CTH: variants seen among roughly 807,000 people sequenced by gnomAD.
The protein encoded by CTH is cystathionase (cystathionine gamma-lyase).
In CTH, 41 loss-of-function variants were observed where a neutral mutation model predicts 50.6. The ratio of observed to expected loss-of-function variants is 0.81; its 90% CI spans 0.63 to 1.05. The LOEUF is 1.05. Ranked by LOEUF, CTH falls within the 50% of genes least tolerant of loss-of-function variation. CTH has a pLI of 0.00. For synonymous variants in CTH, 156 were observed against 168.9 expected (o/e 0.92, Z 0.59); for missense variants, 470 against 492.6 (o/e 0.95, Z 0.43).
chr1:70,437,541 A>ACATAGGCAG (rs1434363714), intron 10 of CTH, among the ~76,000 whole-genome samples: 12 of 152,180 alleles, frequency 7.9e-5, no homozygotes, highest in Non-Finnish European at 1.8e-4. Flanking sequence ...TTATAAGGCC[A>ACATAGGCAG]CATAGGCAGT....
intron 10 of CTH, among the ~76,000 whole-genome samples, chr1:70,436,089 C>A (rs936165483): frequency 2.6e-5 from 4 of 151,884 alleles, no homozygotes; most frequent in Non-Finnish European, 4.4e-5. Flanking sequence ...CCGAGGTGGG[C>A]CACTTGAGGT....
chr1:70,427,570 T>C (rs536609163), intron 5 of CTH, among the ~76,000 whole-genome samples: 28 of 152,276 alleles, frequency 1.8e-4, no homozygotes, highest in African/African-American at 6.5e-4. Flanking sequence ...CCCATCCCTT[T>C]AGGAACCCTA....
Position 70,411,328 on chromosome 1 carries a change from C to G in CTH, c.-88C>G. The G allele has an allele frequency of 7.3e-7, 1 of 1,364,686 alleles. No individual in the cohort carries two copies. Among genetic ancestry groups the G allele is most frequent in the Non-Finnish European group, 1.0e-6 (1 of 952,924 alleles). The allele number at this position is 1,364,686 out of a possible 1,614,324, so 84.5% of individuals were successfully genotyped here. ...GTGCTTTAGCTCCTTCTCGCCTGAT[C>G]CTTCTGTCTCTCCCAACCCCGGACA... On this transcript the variant is annotated 5_prime_UTR_variant, in exon 1 of 12. The change creates a new upstream start codon in the 5' untranslated region. Transcript: ENST00000370938.
At chr1:70,423,055 A>C (rs911319766) in intron 4 of CTH, among the ~76,000 whole-genome samples, 15 of 152,176 alleles carry the variant, frequency 9.9e-5, no homozygotes, top group Non-Finnish European at 1.3e-4. Flanking sequence ...TAGAATGTTT[A>C]AGTCCATGTA....
At position 70,428,994 on chromosome 1, in the gene CTH, C is replaced by T. The variant is rs76181772; in HGVS notation, c.589-800C>T. 6.7e-3 allele frequency among the ~76,000 whole-genome samples: 1,022 copies of T among 152,166 alleles called. 5 individuals are homozygous for T. Among genetic ancestry groups the T allele is most frequent in the Non-Finnish European group, 0.011 (728 of 68,004 alleles). On this transcript the variant is annotated intron_variant, in intron 5 of 11. Coordinates refer to ENST00000370938, the MANE Select transcript of CTH (RefSeq NM_001902.6). Reference sequence around the variant, plus strand: ...GAAGTGCAGCGGCTTGATCATGGTCCACTGCAGCCTGAAACTCCTGATCTC... The same window carrying T: ...GAAGTGCAGCGGCTTGATCATGGTCTACTGCAGCCTGAAACTCCTGATCTC...
Position 70,416,040 on chromosome 1 carries a change from A to G in CTH, c.250+3A>G. ...AGCACTGGATGGGGCTAAGTACTGT[A>G]AGTAATTTCCATTTCACAGTCTAGA... On this transcript the variant is annotated splice_donor_region_variant and intron_variant, in intron 2 of 11. Coordinates refer to ENST00000370938, the MANE Select transcript of CTH (RefSeq NM_001902.6). 6.7e-7 allele frequency: 1 copy of G among 1,498,242 alleles called. No individual in the cohort carries two copies. Among genetic ancestry groups the G allele is most frequent in the Non-Finnish European group, 9.3e-7 (1 of 1,074,328 alleles). The allele number at this position is 1,498,242 out of a possible 1,614,324, so 92.8% of individuals were successfully genotyped here.
At position 70,433,862 on chromosome 1, in the gene CTH, G is replaced by A. The variant is rs755666299; in HGVS notation, c.912G>A (p.Lys304=). Residue 304 remains lysine (K), a synonymous_variant, in exon 9 of 12, where the codon AAG becomes AAA. Coordinates refer to ENST00000370938, the MANE Select transcript of CTH (RefSeq NM_001902.6). The part of the protein sequence containing the change: ...LPSHPQHELV[K]RQCTGCTGMV... The stretch of plus-strand genomic sequence containing the variant: ...CTCATCCACAGCATGAGTTGGTGAA[G>A]CGTCAGTGTACAGGTTGTACAGGGA... 6.2e-7 allele frequency: 1 copy of A among 1,614,012 alleles called. No individual in the cohort carries two copies. The highest frequency in any genetic ancestry group is 1.1e-5 in the South Asian group (1 of 91,074).
At chr1:70,420,809 G>C (rs1050597634) in intron 3 of CTH, among the ~76,000 whole-genome samples, 10 of 151,826 alleles carry the variant, frequency 6.6e-5, no homozygotes, top group Admixed American at 6.6e-4. Context: ...GGCAAACATA[G>C]GTATAAAATC....
intron 1 of CTH, among the ~76,000 whole-genome samples, chr1:70,412,279 G>C (rs914211144): frequency 6.6e-6 from 1 of 152,158 alleles, no homozygotes; most frequent in Non-Finnish European, 1.5e-5. Flanking sequence ...TTAGCCTATT[G>C]CGTCATTTAA....
intron 4 of CTH, among the ~76,000 whole-genome samples, chr1:70,423,397 A>C (rs1392046561): frequency 2.1e-5 from 3 of 143,388 alleles, no homozygotes; most frequent in African/African-American, 7.6e-5. Flanking sequence ...CTTTCTCTGC[A>C]AAAAAAAAAA....
intron 11 of CTH, 32 bp downstream of exon 11, chr1:70,438,858 G>GTGTC: frequency 6.2e-7 from 1 of 1,612,390 alleles, no homozygotes; most frequent in Admixed American, 1.7e-5. Context: ...GTGTGTGTGT[G>GTGTC]TGTGTGTGTG....
At chr1:70,434,349 C>A (rs192110636) in intron 9 of CTH, among the ~76,000 whole-genome samples, 9 of 152,232 alleles carry the variant, frequency 5.9e-5, no homozygotes, top group Admixed American at 4.6e-4. Context: ...TGGGGTGAGG[C>A]CTTTGTCTAA....
At chr1:70,437,960 T>C (rs1247943604) in intron 10 of CTH, among the ~76,000 whole-genome samples, 1 of 152,230 alleles carries the variant, frequency 6.6e-6, no homozygotes, top group Non-Finnish European at 1.5e-5. Flanking sequence ...ATTGTTTATA[T>C]AGACTATTTT....
chr1:70,417,140 T>C (rs899581905), intron 2 of CTH, among the ~76,000 whole-genome samples: 23 of 151,916 alleles, frequency 1.5e-4, no homozygotes, highest in African/African-American at 4.8e-4. Context: ...ATGAAGAGAG[T>C]CTTGTGTATT....
At position 70,426,494 on chromosome 1, in the gene CTH, A is replaced by G. The variant is rs376532116; in HGVS notation, c.588+2078A>G. Among the ~76,000 whole-genome samples the G allele has an allele frequency of 3.2e-4, 48 of 152,286 alleles. No individual in the cohort carries two copies. In the South Asian group the frequency reaches 8.9e-3, roughly 28 times the overall value. On this transcript the variant is annotated intron_variant, in intron 5 of 11. Transcript: ENST00000370938. ...GAAGTTGATCCAGGTTGCTGCCTCC[A>G]TGTGACTGGCTGACTCCCTGGGCAG...
intron 9 of CTH, 29 bp from the exon 10 acceptor site, chr1:70,435,096 A>C (rs542459791): frequency 5.2e-6 from 8 of 1,551,738 alleles, no homozygotes; most frequent in South Asian, 1.1e-5. Context: ...TTTACTAGAA[A>C]ATCTAAATTC....
At chr1:70,427,237 C>A (rs566262657) in intron 5 of CTH, among the ~76,000 whole-genome samples, 1 of 152,288 alleles carries the variant, frequency 6.6e-6, no homozygotes, top group Admixed American at 6.5e-5. Flanking sequence ...CTACCATCAT[C>A]AAGTTTCAGA....
intron 5 of CTH, among the ~76,000 whole-genome samples, chr1:70,427,776 G>T (rs903206178): frequency 6.6e-6 from 1 of 152,014 alleles, no homozygotes; most frequent in Non-Finnish European, 1.5e-5. Context: ...GCAGTGGCGC[G>T]ATCTCAGCTC....
At chr1:70,434,044 A>G in intron 9 of CTH, 95 bp downstream of exon 9, 1 of 1,573,766 alleles carries the variant, frequency 6.4e-7, no homozygotes, top group Non-Finnish European at 8.6e-7. Flanking sequence ...ATGTTTTTGT[A>G]TCTGCAGGTT....
Sources: allele counts gnomAD v4.1 joint callset (sites outside exome capture counted in the v4.1 genomes callset), GRCh38; gene constraint gnomAD v4.1.1; transcripts MANE v1.5; gene names NCBI Gene and HGNC (gene_info 2026-07-23, HGNC 2026-07-21).